Variants in ARMH3 observed in about 807,000 individuals in gnomAD.
ARMH3 encodes armadillo like helical domain containing 3.
In ARMH3, 60 loss-of-function variants were observed where a neutral mutation model predicts 99.1. The observed-to-expected ratio is 0.61, with a 90% CI of 0.49 to 0.75. The LOEUF (loss-of-function observed/expected upper bound fraction) is 0.75, where lower values mean the gene tolerates loss of function less well. ARMH3 is among the 30% of genes least tolerant of loss of function. ARMH3 has a pLI of 0.00. For missense variants in ARMH3, 679 were observed against 843.1 expected (o/e 0.81, Z 2.41); for synonymous variants, 285 against 292.8 (o/e 0.97, Z 0.27).
At chr10:101,971,542 C>A (rs1465471000) in intron 20 of ARMH3, among the ~76,000 whole-genome samples, 1 of 152,016 alleles carries the variant, frequency 6.6e-6, no homozygotes, top group East Asian at 1.9e-4. Context: ...CAGAGTGAGA[C>A]TCTTTCTCAA....
At chr10:101,848,466 G>A (rs191525739) in intron 25 of ARMH3, among the ~76,000 whole-genome samples, 2 of 152,322 alleles carry the variant, frequency 1.3e-5, no homozygotes, top group African/African-American at 2.4e-5. Context: ...AAATAGCTGT[G>A]TAGATTGCCT....
intron 24 of ARMH3, among the ~76,000 whole-genome samples, chr10:101,884,544 G>A (rs576822146): frequency 1.4e-4 from 22 of 152,192 alleles, no homozygotes; most frequent in African/African-American, 5.1e-4. Flanking sequence ...TATCTTCTCC[G>A]TAATCTTTAT....
Position 101,863,445 on chromosome 10 carries a change from T to TA in ARMH3, c.1861-13554dup, listed in dbSNP as rs146176528. Among the ~76,000 whole-genome samples the TA allele has an allele frequency of 5.1e-4, 78 of 152,282 alleles. No individual in the cohort carries two copies. The East Asian group carries it at 0.015, about 29-fold the overall frequency. ...AAGAAGAAACAGAAAAACATATAGTTACAAGTTGAAGGTTTCCATACTACT... is the reference window on the plus strand; with the variant it reads ...AAGAAGAAACAGAAAAACATATAGTTAACAAGTTGAAGGTTTCCATACTACT... On this transcript the variant is annotated intron_variant, in intron 24 of 25. Coordinates refer to ENST00000370033, the MANE Select transcript of ARMH3 (RefSeq NM_024541.3).
At chr10:101,893,886 A>G (rs956133977) in intron 23 of ARMH3, among the ~76,000 whole-genome samples, 8 of 152,156 alleles carry the variant, frequency 5.3e-5, no homozygotes, top group African/African-American at 1.9e-4. Flanking sequence ...ATACTGCAGG[A>G]CATACATGCT....
At chr10:101,880,274 C>T (rs2067379517) in intron 24 of ARMH3, among the ~76,000 whole-genome samples, 1 of 152,170 alleles carries the variant, frequency 6.6e-6, no homozygotes, top group Non-Finnish European at 1.5e-5. Context: ...TGTGATGGTT[C>T]GGGTCCTGTT....
intron 20 of ARMH3, among the ~76,000 whole-genome samples, chr10:101,965,077 A>G (rs1845477149): frequency 6.6e-6 from 1 of 152,194 alleles, no homozygotes; most frequent in African/African-American, 2.4e-5. Context: ...GATAAAAAAA[A>G]GTACTGGAAA....
chr10:101,850,487 C>T (rs868169224), intron 24 of ARMH3, among the ~76,000 whole-genome samples: 3 of 146,534 alleles, frequency 2.0e-5, no homozygotes, highest in Middle Eastern at 3.8e-3. Context: ...TGCAGTGGTG[C>T]AATCTCAGCT....
chr10:101,913,899 G>A (rs1220301430), intron 23 of ARMH3, among the ~76,000 whole-genome samples: 2 of 152,136 alleles, frequency 1.3e-5, no homozygotes, highest in Non-Finnish European at 2.9e-5. Context: ...TAGCTATTCT[G>A]GTCACATTCT....
intron 24 of ARMH3, among the ~76,000 whole-genome samples, chr10:101,875,730 G>A (rs956690355): frequency 2.0e-4 from 31 of 152,264 alleles, no homozygotes; most frequent in Admixed American, 1.3e-3. Flanking sequence ...TTAGTGAGAG[G>A]CCATCAGTTG....
intron 5 of ARMH3, chr10:102,029,314 TAA>T: frequency 2.3e-6 from 2 of 888,372 alleles, no homozygotes; most frequent in Non-Finnish European, 3.3e-6. Context: ...AGTTTAGAAT[TAA>T]AGTTACCCTT....
intron 24 of ARMH3, among the ~76,000 whole-genome samples, chr10:101,863,287 A>G (rs1418050767): frequency 1.3e-5 from 2 of 152,222 alleles, no homozygotes; most frequent in Non-Finnish European, 2.9e-5. Flanking sequence ...AAAACAAGAA[A>G]TAGTATCAGG....
chr10:102,014,849 G>A (rs905860184), intron 8 of ARMH3, among the ~76,000 whole-genome samples: 5 of 152,130 alleles, frequency 3.3e-5, no homozygotes, highest in Admixed American at 2.6e-4. Flanking sequence ...ACACCTATGG[G>A]ATGTGAGGAA....
chr10:101,890,542 A>C (rs1191209979), intron 23 of ARMH3, among the ~76,000 whole-genome samples: 1 of 152,210 alleles, frequency 6.6e-6, no homozygotes, highest in Non-Finnish European at 1.5e-5. Flanking sequence ...GCGGCTGGCC[A>C]ACAAATCTTT....
chr10:102,043,131 G>T (rs1261440166), intron 1 of ARMH3, among the ~76,000 whole-genome samples: 1 of 152,180 alleles, frequency 6.6e-6, no homozygotes, highest in Non-Finnish European at 1.5e-5. Flanking sequence ...TCAGTAATGT[G>T]AGTGTAATCT....
chr10:101,975,171 A>C (rs923362522), intron 20 of ARMH3, 41 bp downstream of exon 20: 1 of 1,556,868 alleles, frequency 6.4e-7, no homozygotes, highest in African/African-American at 1.4e-5. Flanking sequence ...GGCTCAAAAA[A>C]GGTATAGAAA....
At chr10:101,984,096 T>A (rs1846351157) in intron 19 of ARMH3, among the ~76,000 whole-genome samples, 1 of 152,064 alleles carries the variant, frequency 6.6e-6, no homozygotes, top group Non-Finnish European at 1.5e-5. Flanking sequence ...GTGTAGGGAC[T>A]AAACCCTCCC....
At chr10:102,041,069 T>C (rs1478475302) in intron 1 of ARMH3, among the ~76,000 whole-genome samples, 1 of 128,394 alleles carries the variant, frequency 7.8e-6, no homozygotes, top group Non-Finnish European at 1.7e-5. Flanking sequence ...AATTTAATTG[T>C]GTGTACATAT....
chr10:102,025,086 T>G, intron 6 of ARMH3, 70 bp downstream of exon 6: 1 of 1,270,946 alleles, frequency 7.9e-7, no homozygotes, highest in South Asian at 1.2e-5. Flanking sequence ...CTTCTATCTT[T>G]GGGCTCAAGT....
At chr10:101,921,766 T>TA (rs1323086247) in intron 23 of ARMH3, among the ~76,000 whole-genome samples, 1 of 152,106 alleles carries the variant, frequency 6.6e-6, no homozygotes, top group Non-Finnish European at 1.5e-5. Flanking sequence ...CACTCATAGG[T>TA]AGTAGCTAAA....
Sources: allele counts gnomAD v4.1 joint callset (sites outside exome capture counted in the v4.1 genomes callset), GRCh38; gene constraint gnomAD v4.1.1; transcripts MANE v1.5; gene names NCBI Gene and HGNC (gene_info 2026-07-23, HGNC 2026-07-21).